Variants in SV2C observed in about 807,000 individuals in gnomAD.
SV2C encodes synaptic vesicle glycoprotein 2C.
Under a neutral mutation model 79.7 loss-of-function variants are expected in SV2C, and 49 were observed. That is an observed-to-expected ratio of 0.61 (90% CI 0.49 to 0.78). SV2C has a LOEUF of 0.78. SV2C is among the 30% of genes least tolerant of loss of function. The pLI is 0.00. For synonymous variants in SV2C, 334 were observed against 333.2 expected (o/e 1.00, Z -0.03); for missense variants, 833 against 912.9 (o/e 0.91, Z 1.13).
At chr5:76,033,172 A>G in the SV2C span, among the ~76,000 whole-genome samples, 17 of 152,198 alleles carry the variant, frequency 1.1e-4, 1 homozygote, top group Middle Eastern at 3.4e-3. Context: ...AGTAGGTTGC[A>G]AAAATGTTCT....
intron 2 of SV2C, among the ~76,000 whole-genome samples, chr5:76,184,811 T>G (rs9293678): frequency 0.78 from 118,871 of 152,074 alleles, 47,115 homozygotes; most frequent in East Asian, 0.91. Flanking sequence ...CATATCATTC[T>G]ACCCCAAGCC....
At chr5:75,861,655 G>A in the SV2C span, among the ~76,000 whole-genome samples, 6 of 152,262 alleles carry the variant, frequency 3.9e-5, no homozygotes, top group South Asian at 1.2e-3. Context: ...ATGAAATTAT[G>A]TCCTTTGCAG....
At chr5:76,103,503 A>G (rs1401589465) in intron 1 of SV2C, among the ~76,000 whole-genome samples, 1 of 152,176 alleles carries the variant, frequency 6.6e-6, no homozygotes, top group Non-Finnish European at 1.5e-5. Context: ...TAATCTCTGG[A>G]GTTTTCACCA....
chr5:76,017,008 CATT>C, the SV2C span, among the ~76,000 whole-genome samples: 1 of 152,170 alleles, frequency 6.6e-6, no homozygotes, highest in Non-Finnish European at 1.5e-5. Flanking sequence ...ATTTCTTACT[CATT>C]ATCAAAAAGT....
chr5:76,243,572 T>C (rs1229250382), intron 4 of SV2C, among the ~76,000 whole-genome samples: 2 of 152,204 alleles, frequency 1.3e-5, no homozygotes, highest in Admixed American at 6.5e-5. Flanking sequence ...CTCATTTTAT[T>C]TTCCTGCTGC....
the SV2C span, among the ~76,000 whole-genome samples, chr5:76,051,534 T>C: frequency 2.0e-5 from 3 of 152,232 alleles, no homozygotes; most frequent in East Asian, 1.9e-4. Flanking sequence ...AATTATTATG[T>C]ATTCTATTAA....
At chr5:76,218,535 C>T (rs1205421052) in intron 4 of SV2C, among the ~76,000 whole-genome samples, 1 of 152,132 alleles carries the variant, frequency 6.6e-6, no homozygotes, top group African/African-American at 2.4e-5. Flanking sequence ...TGTTCTCACT[C>T]ATAAGTGGGA....
chr5:76,209,348 C>G (rs1447389096), intron 3 of SV2C, among the ~76,000 whole-genome samples: 1 of 152,122 alleles, frequency 6.6e-6, no homozygotes, highest in Non-Finnish European at 1.5e-5. Flanking sequence ...GGCACAGCAT[C>G]AGTTTTTAAA....
At chr5:75,996,328 C>T in the SV2C span, among the ~76,000 whole-genome samples, 8 of 152,030 alleles carry the variant, frequency 5.3e-5, no homozygotes, top group Non-Finnish European at 1.2e-4. Flanking sequence ...GGCTCTGTTC[C>T]GTTCCATTAG....
intron 12 of SV2C, among the ~76,000 whole-genome samples, chr5:76,322,696 C>T (rs1357133616): frequency 6.6e-6 from 1 of 152,090 alleles, no homozygotes; most frequent in Non-Finnish European, 1.5e-5. Context: ...GACATATAGA[C>T]CAATGGCACA....
chr5:76,092,896 T>A (rs879855030), intron 1 of SV2C, among the ~76,000 whole-genome samples: 41 of 152,102 alleles, frequency 2.7e-4, no homozygotes, highest in Non-Finnish European at 2.8e-4. Flanking sequence ...CCCTTGCAGC[T>A]CCAGCTGTGG....
At chr5:76,343,739 G>A (rs897559229) in intron 12 of SV2C, among the ~76,000 whole-genome samples, 3 of 152,182 alleles carry the variant, frequency 2.0e-5, no homozygotes, top group South Asian at 2.1e-4. Flanking sequence ...GTACAACAAG[G>A]TTTGTAGCAG....
chr5:75,966,145 T>G, the SV2C span, among the ~76,000 whole-genome samples: 1 of 152,204 alleles, frequency 6.6e-6, no homozygotes, highest in African/African-American at 2.4e-5. Flanking sequence ...AAAAGGAAAC[T>G]TTTCTAGTCT....
the SV2C span, among the ~76,000 whole-genome samples, chr5:76,048,260 C>T: frequency 1.3e-5 from 2 of 152,252 alleles, no homozygotes; most frequent in South Asian, 2.1e-4. Flanking sequence ...TGATGTAATT[C>T]GGTCCAAGCT....
chr5:76,174,296 G>A (rs112981212), intron 2 of SV2C: 12,319 of 1,021,562 alleles, frequency 0.012, 102 homozygotes, highest in Non-Finnish European at 0.014. Flanking sequence ...GCGCCACGGC[G>A]GTCCTGCCGC....
the SV2C span, among the ~76,000 whole-genome samples, chr5:75,847,767 C>G: frequency 1.9e-4 from 29 of 152,114 alleles, no homozygotes; most frequent in Admixed American, 1.2e-3. Flanking sequence ...TAGTAAATGA[C>G]CTCCAAGCTA....
the SV2C span, among the ~76,000 whole-genome samples, chr5:76,076,967 G>A: frequency 3.3e-5 from 5 of 152,088 alleles, no homozygotes; most frequent in African/African-American, 9.7e-5. Flanking sequence ...AAAAGGCAAC[G>A]AAAACCTACC....
chr5:75,974,113 A>G, the SV2C span, among the ~76,000 whole-genome samples: 2 of 152,098 alleles, frequency 1.3e-5, no homozygotes, highest in South Asian at 4.1e-4. Flanking sequence ...TTATTTTAAG[A>G]AGTTCTGCCT....
At chr5:76,248,546 T>G (rs558849827) in intron 4 of SV2C, among the ~76,000 whole-genome samples, 1 of 152,208 alleles carries the variant, frequency 6.6e-6, no homozygotes, top group Non-Finnish European at 1.5e-5. Context: ...ATATATAAAT[T>G]TGGAGGGGAC....
Sources: allele counts gnomAD v4.1 joint callset (sites outside exome capture counted in the v4.1 genomes callset), GRCh38; gene constraint gnomAD v4.1.1; transcripts MANE v1.5; gene names NCBI Gene and HGNC (gene_info 2026-07-23, HGNC 2026-07-21).